TTC3: variants seen among roughly 807,000 people sequenced by gnomAD.
TTC3 encodes the protein tetratricopeptide repeat domain 3.
Under a neutral mutation model 249.6 loss-of-function variants are expected in TTC3, and 180 were observed. The observed-to-expected ratio is 0.72, with a 90% confidence interval of 0.64 to 0.82. The LOEUF is 0.82. Ranked by LOEUF, TTC3 falls within the 40% of genes least tolerant of loss-of-function variation. The pLI is 0.00. For missense variants in TTC3, 2,061 were observed against 2,398.4 expected, an observed-to-expected ratio of 0.86 and a Z score of 2.94; for synonymous variants, 717 against 805.0, an observed-to-expected ratio of 0.89 and a Z score of 1.85.
chr21:37,199,495 C>A (rs920253208), intron 44 of TTC3, among the ~76,000 whole-genome samples: 3 of 152,232 alleles, frequency 2.0e-5, no homozygotes, highest in Admixed American at 2.0e-4. Flanking sequence ...AGACTGTGAG[C>A]CGCTGAGGCC....
intron 14 of TTC3, among the ~76,000 whole-genome samples, chr21:37,125,849 A>G (rs556977631): frequency 7.2e-6 from 1 of 139,348 alleles, no homozygotes; most frequent in African/African-American, 2.7e-5. Flanking sequence ...GTGCTAGGCA[A>G]TAGAAATAGA....
At position 37,167,659 on chromosome 21, in the gene TTC3, T is replaced by A. The variant is rs760862878; in HGVS notation, c.4467+39T>A. The A allele has an allele frequency of 2.0e-6, 3 of 1,507,076 alleles. No individual in the cohort carries two copies. The Admixed American group carries it at 5.4e-5, about 27-fold the overall frequency. 93.4% of individuals were successfully genotyped at this position (1,507,076 alleles called of 1,614,324 possible). On this transcript the variant is annotated intron_variant, in intron 34 of 45. Transcript: ENST00000355666. ...ACATTAAACTGTTTAAAGGTTTAGT[T>A]TTCATTAATTTATCTAGATGGAATG... is the stretch of plus-strand genomic sequence containing the variant.
At chr21:37,158,662 C>A (rs1261562216) in intron 28 of TTC3, among the ~76,000 whole-genome samples, 1 of 152,138 alleles carries the variant, frequency 6.6e-6, no homozygotes, top group African/African-American at 2.4e-5. Context: ...CCCCTTAAAG[C>A]AGTATGACTG....
At chr21:37,128,526 G>T (rs150541122) in intron 15 of TTC3, among the ~76,000 whole-genome samples, 1 of 152,128 alleles carries the variant, frequency 6.6e-6, no homozygotes, top group Non-Finnish European at 1.5e-5. Flanking sequence ...CCTCAAAACC[G>T]AACACAAATG....
intron 35 of TTC3, among the ~76,000 whole-genome samples, chr21:37,172,975 C>T (rs527279925): frequency 6.6e-6 from 1 of 152,090 alleles, no homozygotes; most frequent in Admixed American, 6.5e-5. Flanking sequence ...TCTGGGTTTT[C>T]GTTTAGCTAT....
intron 10 of TTC3, chr21:37,097,864 C>T: frequency 1.5e-6 from 1 of 666,612 alleles, no homozygotes; most frequent in Non-Finnish European, 2.8e-6. Flanking sequence ...AAACTCTAAG[C>T]ATGTAGCTTT....
Position 37,095,149 on chromosome 21 carries a change from G to GTGTGTCTGTGTGTGTGTGTGTC in TTC3, c.688-196_688-195insCTGTGTGTGTGTGTGTCTGTGT, listed in dbSNP as rs2073793479. 3.3e-5 allele frequency among the ~76,000 whole-genome samples: 5 copies of GTGTGTCTGTGTGTGTGTGTGTC among 151,854 alleles called. No homozygotes were observed. The South Asian group carries it at 8.3e-4, about 25-fold the overall frequency. ...TGTCTCTAAAAATATGTGTGTGTGT[G>GTGTGTCTGTGTGTGTGTGTGTC]TGTGTGTGTGTGTGTATAGTGGGTG... On this transcript the variant is annotated intron_variant, in intron 8 of 45. Coordinates refer to ENST00000355666, the Ensembl canonical transcript of TTC3.
intron 36 of TTC3, among the ~76,000 whole-genome samples, chr21:37,185,356 A>G (rs1209979042): frequency 6.6e-6 from 1 of 152,226 alleles, no homozygotes; most frequent in Non-Finnish European, 1.5e-5. Flanking sequence ...TTGAATGAGA[A>G]TCCACATCTT....
exon 22 of TTC3, chr21:37,147,570 G>C: frequency 6.2e-7 from 1 of 1,611,556 alleles, no homozygotes; most frequent in Non-Finnish European, 8.5e-7. Flanking sequence ...GATATTCTAA[G>C]ATCCAGATAT....
At chr21:37,191,190 AAGCAATTCCTT>A (rs1403926671) in intron 39 of TTC3, 133 bp from the exon 40 acceptor site, 44 of 512,052 alleles carry the variant, frequency 8.6e-5, no homozygotes, top group South Asian at 3.5e-4. Flanking sequence ...TTTACAAGAT[AAGCAATTCCTT>A]AAAAATAGTT....
chr21:37,112,481 A>G (rs1156916105), intron 11 of TTC3, among the ~76,000 whole-genome samples: 2 of 152,228 alleles, frequency 1.3e-5, no homozygotes, highest in African/African-American at 2.4e-5. Context: ...CTCTCCCAAG[A>G]CTAAACCAGG....
chr21:37,091,401 T>C, exon 7 of TTC3: 2 of 1,608,318 alleles, frequency 1.2e-6, no homozygotes, highest in South Asian at 2.2e-5. Flanking sequence ...GTTAAGTATT[T>C]TCTTTACTGA....
chr21:37,165,509 C>A, intron 32 of TTC3, 41 bp from the exon 33 acceptor site: 1 of 1,469,626 alleles, frequency 6.8e-7, no homozygotes, highest in Admixed American at 2.2e-5. Context: ...TATTCAAGTA[C>A]TTCCTTATAG....
chr21:37,181,321 C>T (rs2082737511), intron 35 of TTC3, among the ~76,000 whole-genome samples: 1 of 152,206 alleles, frequency 6.6e-6, no homozygotes, highest in South Asian at 2.1e-4. Flanking sequence ...ACATAATCTC[C>T]CAGCCAAAGG....
intron 35 of TTC3, among the ~76,000 whole-genome samples, chr21:37,175,730 C>T (rs2082214104): frequency 1.3e-5 from 2 of 151,434 alleles, no homozygotes; most frequent in African/African-American, 2.4e-5. Flanking sequence ...GGCAATTAGG[C>T]CAGTTATCTA....
At chr21:37,201,681 G>A in exon 46 of TTC3, 1 of 1,383,316 alleles carries the variant, frequency 7.2e-7, no homozygotes, top group South Asian at 1.4e-5. Flanking sequence ...TGCATTGTGT[G>A]TCACAAAGCT....
At chr21:37,107,748 A>T (rs555498758) in intron 10 of TTC3, 1 of 152,376 alleles carries the variant, frequency 6.6e-6, no homozygotes, top group Non-Finnish European at 1.5e-5. Context: ...TACATTTGGA[A>T]AGTCTTACTG....
intron 14 of TTC3, 46 bp from the exon 15 acceptor site, chr21:37,126,034 C>G: frequency 3.5e-6 from 5 of 1,437,054 alleles, no homozygotes; most frequent in African/African-American, 1.5e-5. Context: ...TTCTTCATGG[C>G]TGGGTTGTTT....
chr21:37,188,455 CA>C, intron 38 of TTC3, 39 bp from the exon 39 acceptor site: 1 of 1,505,496 alleles, frequency 6.6e-7, no homozygotes, highest in African/African-American at 1.4e-5. Flanking sequence ...TTCAGGCTGT[CA>C]TTTGTAAAAT....
Sources: allele counts gnomAD v4.1 joint callset (sites outside exome capture counted in the v4.1 genomes callset), GRCh38; gene constraint gnomAD v4.1.1; transcripts MANE v1.5; gene names NCBI Gene and HGNC (gene_info 2026-07-23, HGNC 2026-07-21).